Variants in GPATCH1 observed in about 807,000 individuals in gnomAD.
The protein encoded by GPATCH1 is G patch domain-containing protein 1.
In GPATCH1, 73 loss-of-function variants were observed where a neutral mutation model predicts 114.9. The observed-to-expected ratio is 0.64, with a 90% CI of 0.53 to 0.77. The LOEUF (loss-of-function observed/expected upper bound fraction) is 0.77, where lower values mean the gene tolerates loss of function less well. Among genes scored for constraint, GPATCH1 ranks in the 30% least tolerant of loss-of-function variants. The probability of loss-of-function intolerance (pLI) is 0.00; values close to 1 mark genes in which losing one functional copy is unlikely to be tolerated. For synonymous variants in GPATCH1, 391 were observed against 428.4 expected (o/e 0.91, Z 1.08); for missense variants, 1,058 against 1,144.3 (o/e 0.92, Z 1.09).
intron 16 of GPATCH1, 145 bp from the exon 17 acceptor site, chr19:33,118,865 T>C: frequency 1.8e-6 from 1 of 554,138 alleles, no homozygotes; most frequent in Non-Finnish European, 3.2e-6. Context: ...GGGGTCTGCG[T>C]GTTCACTGCT....
At chr19:33,115,993 T>C (rs967701171) in intron 15 of GPATCH1, among the ~76,000 whole-genome samples, 2 of 152,168 alleles carry the variant, frequency 1.3e-5, no homozygotes, top group African/African-American at 4.8e-5. Context: ...ACTTGAATAA[T>C]TTTTATATTC....
At chr19:33,088,408 G>T in intron 2 of GPATCH1, 140 bp downstream of exon 2, 2 of 598,950 alleles carry the variant, frequency 3.3e-6, no homozygotes, top group South Asian at 2.3e-5. Flanking sequence ...GCTGTTGTGT[G>T]ATCTTGGCTT....
At chr19:33,093,888 G>T (rs768543524) in intron 4 of GPATCH1, among the ~76,000 whole-genome samples, 5 of 152,158 alleles carry the variant, frequency 3.3e-5, no homozygotes, top group Non-Finnish European at 7.3e-5. Context: ...GACCTTCAGG[G>T]ATTCCCAGGC....
chr19:33,129,514 T>A (rs888170166), intron 19 of GPATCH1, among the ~76,000 whole-genome samples: 1 of 151,570 alleles, frequency 6.6e-6, no homozygotes, highest in Admixed American at 6.6e-5. Flanking sequence ...GGTAGGTGAG[T>A]GAAACTGAGA....
At chr19:33,090,931 C>A in intron 3 of GPATCH1, 66 bp downstream of exon 3, 1 of 898,954 alleles carries the variant, frequency 1.1e-6, no homozygotes. Flanking sequence ...GCTGTAACTG[C>A]CTTCTCTCTC....
At chr19:33,111,654 G>A (rs773853269) in intron 11 of GPATCH1, 70 bp from the exon 12 acceptor site, 176 of 1,365,252 alleles carry the variant, frequency 1.3e-4, no homozygotes, top group Non-Finnish European at 1.4e-4. Flanking sequence ...GTGGTGCCCA[G>A]CAGATGTTCT....
intron 16 of GPATCH1, among the ~76,000 whole-genome samples, chr19:33,118,523 T>C (rs1972941661): frequency 2.0e-5 from 3 of 152,196 alleles, no homozygotes. Flanking sequence ...TATCTGAATA[T>C]ATAGTAATCT....
chr19:33,117,771 C>T, intron 15 of GPATCH1, 54 bp from the exon 16 acceptor site: 1 of 1,266,730 alleles, frequency 7.9e-7, no homozygotes, highest in Non-Finnish European at 1.2e-6. Flanking sequence ...AGAATGTCTC[C>T]TCCCTTTTAC....
At chr19:33,106,981 T>G (rs746810697) in intron 10 of GPATCH1, 82 bp downstream of exon 10, 94 of 1,127,288 alleles carry the variant, frequency 8.3e-5, no homozygotes, top group Non-Finnish European at 1.1e-4. Flanking sequence ...GTTTTCCCAC[T>G]GAAGTTTTTT....
At chr19:33,111,426 T>C (rs1167340592) in intron 11 of GPATCH1, among the ~76,000 whole-genome samples, 2 of 148,682 alleles carry the variant, frequency 1.3e-5, no homozygotes, top group Non-Finnish European at 3.0e-5. Flanking sequence ...GGTTTCACCA[T>C]GTTTGCCAGG....
At position 33,101,201 on chromosome 19, in the gene GPATCH1, T is replaced by G. The variant is rs113230958; in HGVS notation, c.1001-294T>G. On this transcript the variant is annotated intron_variant, in intron 8 of 19. Coordinates refer to ENST00000170564, the MANE Select transcript of GPATCH1 (RefSeq NM_018025.3). ...CACGGGGTATATCCTTTGGTGCCCC[T>G]AAGGTACTTCTTCTAAAAATCACGT... Among the ~76,000 whole-genome samples the G allele has an allele frequency of 4.2e-3, 640 of 152,308 alleles. 7 individuals are homozygous for G. The highest frequency in any genetic ancestry group is 0.014 in the African/African-American group (598 of 41,578).
intron 1 of GPATCH1, among the ~76,000 whole-genome samples, chr19:33,081,497 A>G (rs1037639913): frequency 5.3e-5 from 8 of 152,292 alleles, no homozygotes; most frequent in African/African-American, 1.9e-4. Flanking sequence ...GGGCGGCGAG[A>G]TAGAAACAAG....
At chr19:33,113,600 A>G (rs753728782) in intron 13 of GPATCH1, 167 bp from the exon 14 acceptor site, 1 of 577,494 alleles carries the variant, frequency 1.7e-6, no homozygotes, top group Non-Finnish European at 3.1e-6. Context: ...ATCTCATGGG[A>G]CCTAAAATCA....
intron 18 of GPATCH1, among the ~76,000 whole-genome samples, chr19:33,125,720 G>T (rs941302206): frequency 2.6e-5 from 4 of 152,092 alleles, no homozygotes; most frequent in Admixed American, 6.6e-5. Context: ...AGAAAAAAGG[G>T]CATTTAGGGA....
chr19:33,124,017 C>T (rs1016759062), intron 17 of GPATCH1, among the ~76,000 whole-genome samples: 3 of 151,936 alleles, frequency 2.0e-5, no homozygotes, highest in Non-Finnish European at 4.4e-5. Flanking sequence ...CCACGCCCAT[C>T]TAATTTTTGC....
At chr19:33,084,090 G>A (rs1490571436) in intron 1 of GPATCH1, among the ~76,000 whole-genome samples, 3 of 152,182 alleles carry the variant, frequency 2.0e-5, no homozygotes, top group East Asian at 1.9e-4. Context: ...GATTACAGGC[G>A]TGAGCCACCA....
chr19:33,110,026 G>T lies in GPATCH1; in HGVS notation c.1585+10G>T. 13 of 1,585,860 alleles carry T rather than the reference G, an allele frequency of 8.2e-6. No homozygotes were observed. The highest frequency in any genetic ancestry group is 1.0e-5 in the Non-Finnish European group (12 of 1,164,506). On this transcript the variant is annotated intron_variant, in intron 11 of 19. Coordinates refer to ENST00000170564, the MANE Select transcript of GPATCH1 (RefSeq NM_018025.3). ...AAACAGGGTCAGAAAGGTGGGTGCT[G>T]GGCCTGGGTGTCCCAAATCTCGGCC...
At chr19:33,125,765 C>G (rs1224317955) in intron 18 of GPATCH1, among the ~76,000 whole-genome samples, 1 of 152,118 alleles carries the variant, frequency 6.6e-6, no homozygotes, top group Non-Finnish European at 1.5e-5. Context: ...AATAATAAAA[C>G]AATTTATTTC....
At chr19:33,116,113 T>C (rs1972913760) in intron 15 of GPATCH1, among the ~76,000 whole-genome samples, 1 of 152,140 alleles carries the variant, frequency 6.6e-6, no homozygotes, top group Non-Finnish European at 1.5e-5. Context: ...ATTAAATGTT[T>C]TACCACTTCC....
Sources: gnomAD v4.1 joint callset for allele counts (sites outside exome capture counted in the v4.1 genomes callset) on GRCh38, gnomAD v4.1.1 for gene constraint, MANE v1.5 for transcripts, NCBI Gene and HGNC (gene_info 2026-07-23, HGNC 2026-07-21) for gene names.